The following DDX10 variants were observed in gnomAD, a reference collection of about 807,000 sequenced individuals.
The protein encoded by DDX10 is probable ATP-dependent RNA helicase DDX10.
Under a neutral mutation model 104.3 loss-of-function variants are expected in DDX10, and 74 were observed. That is an observed-to-expected ratio of 0.71 (90% CI 0.59 to 0.86). DDX10 has a LOEUF of 0.86. DDX10 is among the 40% of genes least tolerant of loss of function. The pLI is 0.00. For missense variants in DDX10, 952 were observed against 1,040.0 expected, an observed-to-expected ratio of 0.92 and a Z score of 1.16; for synonymous variants, 351 against 353.4, an observed-to-expected ratio of 0.99 and a Z score of 0.08.
intron 13 of DDX10, among the ~76,000 whole-genome samples, chr11:108,794,133 G>T (rs1349292663): frequency 6.6e-6 from 1 of 152,048 alleles, no homozygotes; most frequent in African/African-American, 2.4e-5. Flanking sequence ...AGTGCTTGCT[G>T]CAATAAACAC....
intron 9 of DDX10, among the ~76,000 whole-genome samples, chr11:108,698,432 T>C (rs1456628871): frequency 1.3e-5 from 2 of 152,202 alleles, no homozygotes; most frequent in Non-Finnish European, 2.9e-5. Context: ...TGATGCTTCT[T>C]TACGTGACCT....
At chr11:108,915,112 G>T (rs1863729595) in intron 16 of DDX10, among the ~76,000 whole-genome samples, 1 of 152,138 alleles carries the variant, frequency 6.6e-6, no homozygotes, top group Admixed American at 6.5e-5. Context: ...AGGAATAATG[G>T]CTGGAAACTC....
At chr11:108,939,423 G>A (rs930628528) in intron 17 of DDX10, among the ~76,000 whole-genome samples, 2 of 152,188 alleles carry the variant, frequency 1.3e-5, no homozygotes, top group African/African-American at 4.8e-5. Flanking sequence ...CATAATCTAT[G>A]TAAGGTATTT....
chr11:108,796,529 A>C (rs1861943613), intron 13 of DDX10, among the ~76,000 whole-genome samples: 1 of 152,230 alleles, frequency 6.6e-6, no homozygotes, highest in Non-Finnish European at 1.5e-5. Context: ...ATGACATAGA[A>C]AGATTTTTAT....
chr11:108,912,184 A>G (rs1863689286), intron 16 of DDX10, among the ~76,000 whole-genome samples: 2 of 152,096 alleles, frequency 1.3e-5, no homozygotes, highest in African/African-American at 4.8e-5. Flanking sequence ...TGATTTGTAG[A>G]TGGCTTCTCA....
intron 16 of DDX10, among the ~76,000 whole-genome samples, chr11:108,887,035 G>A (rs1475638215): frequency 6.6e-6 from 1 of 151,978 alleles, no homozygotes. Context: ...TGTAACTCTT[G>A]GAAAATGGTA....
At chr11:108,737,311 A>G (rs531115756) in intron 13 of DDX10, among the ~76,000 whole-genome samples, 10 of 152,310 alleles carry the variant, frequency 6.6e-5, no homozygotes, top group African/African-American at 1.9e-4. Context: ...CAGATCATCA[A>G]TCTCTGGAAA....
intron 13 of DDX10, chr11:108,767,367 A>G (rs937125802): frequency 3.3e-5 from 5 of 152,188 alleles, no homozygotes; most frequent in African/African-American, 1.2e-4. Context: ...TCCAATTCCA[A>G]TAAAGGTATT....
chr11:108,912,407 C>T (rs1863692200), intron 16 of DDX10, among the ~76,000 whole-genome samples: 1 of 152,070 alleles, frequency 6.6e-6, no homozygotes, highest in South Asian at 2.1e-4. Context: ...CGATCCTCCA[C>T]CTTCATCTCC....
intron 16 of DDX10, among the ~76,000 whole-genome samples, chr11:108,900,197 C>T (rs1467333411): frequency 1.3e-5 from 2 of 152,146 alleles, no homozygotes; most frequent in Non-Finnish European, 2.9e-5. Context: ...TTGCCTTCCA[C>T]TGCGATTGTA....
chr11:108,679,447 G>A lies in DDX10; in HGVS notation c.735G>A (p.Lys245=). ...ATGCTGTTATTGAAAATCTCCCCAA[G>A]AAACGTCAGACTTTACTTTTCTCAG... The part of the protein sequence containing the change: ...TMNAVIENLP[K]KRQTLLFSAT... The change falls in exon 6 of 18, where the codon AAG becomes AAA. Residue 245 remains lysine, a synonymous_variant. Coordinates refer to ENST00000322536, the MANE Select transcript of DDX10 (RefSeq NM_004398.4). 1 of 1,613,570 alleles carries A rather than the reference G, an allele frequency of 6.2e-7. No individual in the cohort carries two copies.
At chr11:108,753,098 A>G (rs572775934) in intron 13 of DDX10, among the ~76,000 whole-genome samples, 16 of 152,168 alleles carry the variant, frequency 1.1e-4, no homozygotes, top group African/African-American at 3.9e-4. Flanking sequence ...TCTTTATTTC[A>G]GAAGGGAGAA....
intron 16 of DDX10, among the ~76,000 whole-genome samples, chr11:108,853,975 A>G (rs1862831010): frequency 6.6e-6 from 1 of 152,164 alleles, no homozygotes; most frequent in African/African-American, 2.4e-5. Flanking sequence ...TAGTTTAGCT[A>G]CCTCCATTTC....
At chr11:108,713,464 T>C (rs1349464569) in intron 10 of DDX10, among the ~76,000 whole-genome samples, 4 of 152,100 alleles carry the variant, frequency 2.6e-5, no homozygotes, top group South Asian at 4.1e-4. Flanking sequence ...AAGGTATTAG[T>C]AATATGTGTT....
intron 13 of DDX10, among the ~76,000 whole-genome samples, chr11:108,790,275 A>G (rs887795399): frequency 7.9e-5 from 12 of 152,152 alleles, no homozygotes; most frequent in Admixed American, 4.6e-4. Flanking sequence ...AGTGGTTTCT[A>G]CCCCCTCACT....
chr11:108,766,527 CTA>C (rs770622948), intron 13 of DDX10, among the ~76,000 whole-genome samples: 22 of 152,262 alleles, frequency 1.4e-4, no homozygotes, highest in Admixed American at 2.6e-4. Flanking sequence ...AGAACACACA[CTA>C]TGTGACGTGT....
chr11:108,744,841 A>G (rs973364636), intron 13 of DDX10, among the ~76,000 whole-genome samples: 1 of 152,194 alleles, frequency 6.6e-6, no homozygotes, highest in African/African-American at 2.4e-5. Flanking sequence ...CTTTGGGGCT[A>G]GAATCTTGGA....
intron 6 of DDX10, among the ~76,000 whole-genome samples, chr11:108,685,774 A>T (rs1360343542): frequency 6.6e-6 from 1 of 152,192 alleles, no homozygotes; most frequent in Non-Finnish European, 1.5e-5. Flanking sequence ...TCTGCCAAAC[A>T]TTCATTCCTA....
In DDX10 at chr11:108,805,313, TC is replaced by T. The variant is rs1346877560; in HGVS notation, c.1966-33131del. Reference sequence around the variant, plus strand: ...AGGCAGAACCACATATGTTTGAGCCTCCACACTGGAAGCCAGAACTTTCTTC... The same window carrying T: ...AGGCAGAACCACATATGTTTGAGCCTCACACTGGAAGCCAGAACTTTCTTC... On this transcript the variant is annotated intron_variant, in intron 13 of 17. Transcript: ENST00000322536. Among the ~76,000 whole-genome samples, 5 of 152,266 alleles carry T rather than the reference TC, an allele frequency of 3.3e-5. No individual in the cohort carries two copies. In the East Asian group the frequency reaches 9.6e-4, roughly 29 times the overall value.
Sources: allele counts gnomAD v4.1 joint callset (sites outside exome capture counted in the v4.1 genomes callset), GRCh38; gene constraint gnomAD v4.1.1; transcripts MANE v1.5; gene names NCBI Gene and HGNC (gene_info 2026-07-23, HGNC 2026-07-21).